MYLK: variants seen among roughly 807,000 people sequenced by gnomAD.
MYLK encodes the protein myosin light chain kinase, smooth muscle.
MYLK carries 106 observed loss-of-function variants against 203.4 expected under a neutral mutation model. The observed-to-expected ratio is 0.52, with a 90% CI of 0.45 to 0.61. The LOEUF is 0.61. Among genes scored for constraint, MYLK ranks in the 20% least tolerant of loss-of-function variants. The pLI is 0.00. For synonymous variants in MYLK, 867 were observed against 959.5 expected, an observed-to-expected ratio of 0.90 and a Z score of 1.78; for missense variants, 2,072 against 2,442.3, an observed-to-expected ratio of 0.85 and a Z score of 3.20.
chr3:123,700,828 C>G lies in MYLK; in HGVS notation c.2640G>C (p.Arg880Ser). ...RGVLKRRVET[R>S]QHTEEAIRQQ... is the part of the protein sequence containing the mutation. ...GGCGGATCGCCTCCTCAGTGTGCTG[C>G]CTCGTCTCCACGCGCCTCTTCAGCA... is the stretch of plus-strand genomic sequence containing the variant. Residue 880 changes from arginine to serine, a missense_variant, in exon 18 of 34, where the codon AGG becomes AGC. Transcript: ENST00000360304. 6.2e-7 allele frequency: 1 copy of G among 1,614,156 alleles called. No individual in the cohort carries two copies. Among genetic ancestry groups the G allele is most frequent in the East Asian group, 2.2e-5 (1 of 44,854 alleles).
At chr3:123,775,193 T>G (rs1202459980) in intron 4 of MYLK, among the ~76,000 whole-genome samples, 1 of 152,130 alleles carries the variant, frequency 6.6e-6, no homozygotes, top group Non-Finnish European at 1.5e-5. Context: ...CAGCTAATTT[T>G]TTTTATTTCT....
chr3:123,779,818 C>T (rs1444612426), intron 4 of MYLK, among the ~76,000 whole-genome samples: 3 of 152,172 alleles, frequency 2.0e-5, no homozygotes, highest in African/African-American at 7.2e-5. Flanking sequence ...GACATCAGGT[C>T]CAATGTGTGA....
intron 9 of MYLK, 76 bp from the exon 10 acceptor site, chr3:123,734,298 T>C (rs2108794485): frequency 5.1e-6 from 7 of 1,378,846 alleles, no homozygotes; most frequent in Non-Finnish European, 6.8e-6. Flanking sequence ...TACTCACAAA[T>C]ATTACTCATC....
intron 3 of MYLK, among the ~76,000 whole-genome samples, chr3:123,823,190 C>T (rs991720494): frequency 3.9e-5 from 6 of 152,142 alleles, no homozygotes; most frequent in East Asian, 1.9e-4. Flanking sequence ...TCCTTTTCCC[C>T]GTCTCTAAAT....
chr3:123,737,808 G>A lies in MYLK; in HGVS notation c.589-265C>T, dbSNP rs140778689. Reference sequence around the variant, plus strand: ...TCAAAGGAGCCTGAGTTTGAGGTAGGAAATCCCATATTCCTCACTTCAGTT... The same window carrying A: ...TCAAAGGAGCCTGAGTTTGAGGTAGAAAATCCCATATTCCTCACTTCAGTT... On this transcript the variant is annotated intron_variant, in intron 7 of 33. Transcript: ENST00000360304. 9.2e-5 allele frequency among the ~76,000 whole-genome samples: 14 copies of A among 152,290 alleles called. No homozygotes were observed. The East Asian group carries it at 2.5e-3, about 27-fold the overall frequency.
At chr3:123,726,727 T>A (rs2062301559) in intron 11 of MYLK, among the ~76,000 whole-genome samples, 2 of 152,128 alleles carry the variant, frequency 1.3e-5, no homozygotes, top group African/African-American at 4.8e-5. Context: ...CACATTCTGG[T>A]TGAGAACTGC....
intron 3 of MYLK, among the ~76,000 whole-genome samples, chr3:123,799,115 G>GA (rs2065098699): frequency 6.6e-6 from 1 of 152,074 alleles, no homozygotes; most frequent in Admixed American, 6.5e-5. Flanking sequence ...GAAGTAAGAA[G>GA]AAAAAACAGG....
chr3:123,683,722 T>A (rs1373241125), intron 19 of MYLK, among the ~76,000 whole-genome samples: 1 of 152,034 alleles, frequency 6.6e-6, no homozygotes, highest in East Asian at 1.9e-4. Flanking sequence ...CCGGGGGCTG[T>A]GGGGGCAATC....
chr3:123,638,281 C>T, intron 28 of MYLK, 87 bp from the exon 29 acceptor site: 1 of 1,588,854 alleles, frequency 6.3e-7, no homozygotes, highest in South Asian at 1.1e-5. Flanking sequence ...TGTGTTGACC[C>T]CAACCTGGGA....
intron 10 of MYLK, 49 bp from the exon 11 acceptor site, chr3:123,733,151 C>T: frequency 1.9e-6 from 3 of 1,580,424 alleles, no homozygotes; most frequent in Non-Finnish European, 2.6e-6. Context: ...TGGAGAGCAC[C>T]CTGTGATTGT....
intron 2 of MYLK, among the ~76,000 whole-genome samples, chr3:123,861,061 C>T (rs1236580975): frequency 2.7e-5 from 4 of 150,624 alleles, no homozygotes; most frequent in Admixed American, 6.7e-5. Context: ...ACCCGGGAGG[C>T]GGAGCCTGCA....
chr3:123,737,170 G>T (rs1560152752), intron 8 of MYLK: 3 of 586,874 alleles, frequency 5.1e-6, no homozygotes, highest in Admixed American at 6.0e-5. Context: ...AGTGAGCTGA[G>T]GTCATGTCAC....
At chr3:123,881,251 T>C (rs932941481) in intron 1 of MYLK, among the ~76,000 whole-genome samples, 1 of 152,160 alleles carries the variant, frequency 6.6e-6, no homozygotes, top group African/African-American at 2.4e-5. Context: ...TCCTTGATTC[T>C]GAGCACTCAG....
chr3:123,639,695 G>A (rs2058765109), intron 28 of MYLK, among the ~76,000 whole-genome samples: 1 of 152,194 alleles, frequency 6.6e-6, no homozygotes, highest in Non-Finnish European at 1.5e-5. Flanking sequence ...AGAGCACCCT[G>A]AGCAAGGTCT....
rs72626351 is a variant in MYLK at position 123,672,783 on chromosome 3, G to A, written c.3653-5596C>T. ...TCCTATCAGTAAAAACAATTTAAGC[G>A]TTAACAATGTTTTATATCCTATTCT... On this transcript the variant is annotated intron_variant, in intron 20 of 33. Coordinates refer to ENST00000360304, the MANE Select transcript of MYLK (RefSeq NM_053025.4). Among the ~76,000 whole-genome samples the A allele has an allele frequency of 0.027, 4,100 of 152,264 alleles. 366 individuals are homozygous for A. The East Asian group carries it at 0.34, about 13-fold the overall frequency.
rs558189197 is a variant in MYLK, at chr3:123,814,479, T to C, written c.-4+17069A>G. On this transcript the variant is annotated intron_variant, in intron 3 of 33. Coordinates refer to ENST00000360304, the MANE Select transcript of MYLK (RefSeq NM_053025.4). ...CAAATAAACAATATTGGCTAAAAGT[T>C]TGGTCGTGAGTACGATTACAAATGA... 1.3e-4 allele frequency among the ~76,000 whole-genome samples: 20 copies of C among 152,332 alleles called. No homozygotes were observed. In the South Asian group the frequency reaches 3.1e-3, roughly 24 times the overall value.
In MYLK at chr3:123,737,524, G is replaced by A. The variant is rs772426809; in HGVS notation, c.608C>T (p.Pro203Leu). 37 of 1,613,992 alleles carry A rather than the reference G, an allele frequency of 2.3e-5. No individual in the cohort carries two copies. Among genetic ancestry groups the A allele is most frequent in the South Asian group, 5.5e-5 (5 of 91,064 alleles). Residue 203 changes from proline to leucine, a missense_variant, in exon 8 of 34, where the codon CCG becomes CTG. Around this residue, in one of 3 missense-constraint regions of MYLK, gnomAD observed 683 missense variants for 643.8 expected, o/e 1.06. Coordinates refer to ENST00000360304, the MANE Select transcript of MYLK (RefSeq NM_053025.4). ...TWLKGNVPLQPSARVSVSEKN... is the reference protein window; with the variant it reads ...TWLKGNVPLQLSARVSVSEKN... The stretch of plus-strand genomic sequence containing the variant: ...CTCAGACACAGACACACGGGCACTC[G>A]GCTGCAGTGGAACATTTCCCTGTGG...
chr3:123,627,515 C>T (rs1004016269), intron 30 of MYLK, among the ~76,000 whole-genome samples: 4 of 152,212 alleles, frequency 2.6e-5, no homozygotes, highest in Admixed American at 2.0e-4. Flanking sequence ...AAACTCACTT[C>T]ATCTTTCTGA....
intron 4 of MYLK, among the ~76,000 whole-genome samples, chr3:123,787,909 A>C (rs1038343990): frequency 6.6e-6 from 1 of 152,208 alleles, no homozygotes; most frequent in Non-Finnish European, 1.5e-5. Flanking sequence ...AAGGATTTGC[A>C]CTGTGCCTGT....
Sources: allele counts gnomAD v4.1 joint callset (sites outside exome capture counted in the v4.1 genomes callset), GRCh38; gene constraint gnomAD v4.1.1; regional missense constraint gnomAD v4.1.1; transcripts MANE v1.5; gene names NCBI Gene and HGNC (gene_info 2026-07-23, HGNC 2026-07-21).